OSBPL9: variants seen among roughly 807,000 people sequenced by gnomAD.
The protein encoded by OSBPL9 is oxysterol binding protein like 9.
Under a neutral mutation model 106.6 loss-of-function variants are expected in OSBPL9, and 40 were observed. That is an observed-to-expected ratio of 0.38 (90% CI 0.29 to 0.49). OSBPL9 has a LOEUF of 0.49. Among genes scored for constraint, OSBPL9 ranks in the 20% least tolerant of loss-of-function variants. OSBPL9 has a pLI of 0.97. For synonymous variants in OSBPL9, 269 were observed against 295.4 expected, an observed-to-expected ratio of 0.91 and a Z score of 0.92; for missense variants, 609 against 887.2, an observed-to-expected ratio of 0.69 and a Z score of 3.98.
chr1:51,745,723 A>G, intron 5 of OSBPL9, 92 bp downstream of exon 5: 1 of 1,379,334 alleles, frequency 7.2e-7, no homozygotes. Context: ...ATGTTAATTT[A>G]CAGCCCTCAT....
intron 1 of OSBPL9, among the ~76,000 whole-genome samples, chr1:51,638,038 A>G (rs1645564201): frequency 6.6e-6 from 1 of 152,126 alleles, no homozygotes; most frequent in Non-Finnish European, 1.5e-5. Flanking sequence ...CTTAAAGATG[A>G]TCTTGTATAT....
At chr1:51,649,549 C>G (rs1187954102) in intron 1 of OSBPL9, among the ~76,000 whole-genome samples, 1 of 152,112 alleles carries the variant, frequency 6.6e-6, no homozygotes, top group Non-Finnish European at 1.5e-5. Context: ...GCCTTTCCCC[C>G]ACTACCTTCC....
chr1:51,595,722 T>C (rs1288213828), intron 1 of OSBPL9, among the ~76,000 whole-genome samples: 2 of 152,096 alleles, frequency 1.3e-5, no homozygotes, highest in Non-Finnish European at 2.9e-5. Flanking sequence ...GCACCAGCAT[T>C]TGTTGATTAT....
chr1:51,645,496 T>A lies in OSBPL9; in HGVS notation c.112-6495T>A, dbSNP rs1268702016. 3.3e-5 allele frequency among the ~76,000 whole-genome samples: 5 copies of A among 151,984 alleles called. No individual in the cohort carries two copies. The East Asian group carries it at 9.6e-4, about 29-fold the overall frequency. ...TTGTTTGTTTGGTTGGTTTTTTTTT[T>A]AAGACAGGGTCTCATTCTGTTGCCC... is the stretch of plus-strand genomic sequence containing the variant. On this transcript the variant is annotated intron_variant, in intron 1 of 23. Coordinates refer to ENST00000428468, the MANE Select transcript of OSBPL9 (RefSeq NM_024586.6).
At chr1:51,719,445 CTT>C (rs879838595) in intron 4 of OSBPL9, among the ~76,000 whole-genome samples, 6 of 144,874 alleles carry the variant, frequency 4.1e-5, no homozygotes, top group Non-Finnish European at 3.0e-5. Flanking sequence ...TTTTCAGATT[CTT>C]TTTTTTTTTT....
chr1:51,751,372 A>G (rs527399508), intron 8 of OSBPL9, among the ~76,000 whole-genome samples: 2 of 152,202 alleles, frequency 1.3e-5, no homozygotes, highest in South Asian at 4.1e-4. Context: ...CCAATGTATT[A>G]TACTTAAAGT....
chr1:51,629,437 A>G (rs1403877581), intron 1 of OSBPL9, among the ~76,000 whole-genome samples: 1 of 152,078 alleles, frequency 6.6e-6, no homozygotes, highest in Admixed American at 6.6e-5. Flanking sequence ...ATCTTCTGAG[A>G]AATTTGTTAG....
the OSBPL9 span, among the ~76,000 whole-genome samples, chr1:51,545,634 G>T: frequency 1.3e-4 from 20 of 152,278 alleles, no homozygotes; most frequent in African/African-American, 4.8e-4. Flanking sequence ...AAATTTACCA[G>T]CATGGTGGAA....
intron 1 of OSBPL9, among the ~76,000 whole-genome samples, chr1:51,587,262 G>A (rs1645251801): frequency 6.6e-6 from 1 of 152,336 alleles, no homozygotes; most frequent in African/African-American, 2.4e-5. Flanking sequence ...CTCCTCAGGA[G>A]GCTGAGGTGG....
At chr1:51,743,494 A>T (rs1303961296) in intron 4 of OSBPL9, among the ~76,000 whole-genome samples, 1 of 152,230 alleles carries the variant, frequency 6.6e-6, no homozygotes, top group Non-Finnish European at 1.5e-5. Flanking sequence ...TTTAAAAAGG[A>T]TGTTTTAGTT....
intron 3 of OSBPL9, among the ~76,000 whole-genome samples, chr1:51,713,643 T>C (rs979679915): frequency 2.0e-5 from 3 of 152,200 alleles, no homozygotes; most frequent in Non-Finnish European, 4.4e-5. Flanking sequence ...ATCTTCTAAA[T>C]TTTTTGTCTT....
intron 16 of OSBPL9, 138 bp from the exon 17 acceptor site, chr1:51,782,421 T>C: frequency 1.7e-6 from 1 of 595,866 alleles, no homozygotes; most frequent in Non-Finnish European, 2.9e-6. Context: ...TAAAATATTG[T>C]AGTTAAGTTC....
At chr1:51,648,853 G>A (rs981349323) in intron 1 of OSBPL9, among the ~76,000 whole-genome samples, 4 of 152,170 alleles carry the variant, frequency 2.6e-5, no homozygotes, top group Non-Finnish European at 4.4e-5. Flanking sequence ...ATAAGGGGCA[G>A]CAATGAGTGA....
At chr1:51,540,713 C>T in the OSBPL9 span, among the ~76,000 whole-genome samples, 1 of 151,132 alleles carries the variant, frequency 6.6e-6, no homozygotes, top group African/African-American at 2.4e-5. Flanking sequence ...TAATCCAGCA[C>T]TTTGGGAGGT....
chr1:51,745,277 T>C, intron 4 of OSBPL9: 1 of 370,984 alleles, frequency 2.7e-6, no homozygotes, highest in South Asian at 3.2e-5. Flanking sequence ...AGAAAGTGAT[T>C]CTGGAGAGAA....
chr1:51,705,559 G>A (rs1002802637), intron 3 of OSBPL9, among the ~76,000 whole-genome samples: 4 of 151,026 alleles, frequency 2.6e-5, no homozygotes, highest in Admixed American at 2.6e-4. Flanking sequence ...GGGATTACAG[G>A]CATATGCCAC....
chr1:51,660,354 G>T (rs1348783102), intron 2 of OSBPL9, among the ~76,000 whole-genome samples: 1 of 151,866 alleles, frequency 6.6e-6, no homozygotes, highest in Non-Finnish European at 1.5e-5. Flanking sequence ...ACAGTCAAAG[G>T]GAAAAGACAA....
At chr1:51,607,059 GA>G (rs991213023) in intron 2 of OSBPL9, among the ~76,000 whole-genome samples, 11 of 146,174 alleles carry the variant, frequency 7.5e-5, no homozygotes, top group African/African-American at 2.8e-4. Flanking sequence ...CAAAAAAAAA[GA>G]AAAAAAGAAA....
the OSBPL9 span, among the ~76,000 whole-genome samples, chr1:51,539,126 G>A: frequency 6.6e-6 from 1 of 152,142 alleles, no homozygotes; most frequent in South Asian, 2.1e-4. Context: ...TCTCCAAAAT[G>A]TGTAACCAAC....
Sources: gnomAD v4.1 joint callset for allele counts (sites outside exome capture counted in the v4.1 genomes callset) on GRCh38, gnomAD v4.1.1 for gene constraint, MANE v1.5 for transcripts, NCBI Gene and HGNC (gene_info 2026-07-23, HGNC 2026-07-21) for gene names.